The following CHST9 variants were observed in gnomAD, a reference collection of about 807,000 sequenced individuals.
CHST9 encodes the protein GalNAc-4-sulfotransferase 2.
A neutral mutation model predicts 44.4 loss-of-function variants in CHST9; 41 were observed. The ratio of observed to expected loss-of-function variants is 0.92; its 90% CI spans 0.72 to 1.20. CHST9 has a LOEUF of 1.20. Ranked by LOEUF, CHST9 falls within the 50% of genes most tolerant of loss-of-function variation. CHST9 has a pLI of 0.00. For missense variants in CHST9, 504 were observed against 516.5 expected (o/e 0.98, Z 0.23); for synonymous variants, 171 against 178.4 (o/e 0.96, Z 0.33).
chr18:26,907,308 A>G lies in CHST9; in HGVS notation c.*8951T>C, dbSNP rs2055383384. 6.6e-6 allele frequency: 1 copy of G among 152,596 alleles called. No individual in the cohort carries two copies. Among genetic ancestry groups the G allele is most frequent in the African/African-American group, 2.4e-5 (1 of 41,444 alleles). The allele number at this position is 152,596 out of a possible 1,614,324, so 9.5% of individuals were successfully genotyped here. On this transcript the variant is annotated 3_prime_UTR_variant, in exon 6 of 6. Transcript: ENST00000618847. ...GTTCCTAACTCAGAAGATGGAGTAG[A>G]TGGATGGTGTTGCCACCAAATAAGG...
intron 2 of CHST9, among the ~76,000 whole-genome samples, chr18:27,055,433 A>G (rs1379414682): frequency 6.6e-6 from 1 of 152,118 alleles, no homozygotes; most frequent in Non-Finnish European, 1.5e-5. Flanking sequence ...TGTTCATTTC[A>G]TAGGGATTTA....
chr18:27,029,398 A>T (rs574879395), intron 3 of CHST9, among the ~76,000 whole-genome samples: 1 of 152,276 alleles, frequency 6.6e-6, no homozygotes, highest in South Asian at 2.1e-4. Context: ...TCTCCAGCAA[A>T]CAGTAACAAC....
At chr18:26,970,680 G>A (rs1786625) in intron 4 of CHST9, among the ~76,000 whole-genome samples, 53,015 of 152,026 alleles carry the variant, frequency 0.35, 9,825 homozygotes, top group East Asian at 0.47. Flanking sequence ...CTCCTGTCTC[G>A]GCCTCCCAAA....
chr18:26,907,271 G>A lies in CHST9; in HGVS notation c.*8988C>T, dbSNP rs1012355769. 1 of 152,662 alleles carries A rather than the reference G, an allele frequency of 6.6e-6. No individual in the cohort carries two copies. Among genetic ancestry groups the A allele is most frequent in the African/African-American group, 2.4e-5 (1 of 41,420 alleles). 9.5% of individuals were successfully genotyped at this position (152,662 alleles called of 1,614,324 possible). A position where few individuals can be genotyped will look rare whatever the true frequency, so the allele number is the denominator to read the frequency against. On this transcript the variant is annotated 3_prime_UTR_variant, in exon 6 of 6. Coordinates refer to ENST00000618847, the MANE Select transcript of CHST9 (RefSeq NM_031422.6). ...GGAGTCAGCTTAGGGAGAAATCGGG[G>A]TTGACTTCTAGGTTCCTAACTCAGA...
intron 2 of CHST9, among the ~76,000 whole-genome samples, chr18:27,128,426 C>T (rs902315325): frequency 3.9e-5 from 6 of 152,102 alleles, no homozygotes; most frequent in South Asian, 2.1e-4. Flanking sequence ...AGTGCCATGA[C>T]GCCCGGCTAA....
In CHST9 at chr18:26,972,305, C is replaced by G. The variant is rs1346668165; in HGVS notation, c.203-27939G>C. 2.2e-5 allele frequency among the ~76,000 whole-genome samples: 3 copies of G among 136,612 alleles called. No individual in the cohort carries two copies. In the East Asian group the frequency reaches 6.7e-4, roughly 30 times the overall value. 89.6% of individuals were successfully genotyped at this position (136,612 alleles called of 152,430 possible). ...CTGGGAGGCGGAGGTTGTAGTGAGC[C>G]GAGATCGCACCACTGCACTCCAGCC... On this transcript the variant is annotated intron_variant, in intron 4 of 5. Coordinates refer to ENST00000618847, the MANE Select transcript of CHST9 (RefSeq NM_031422.6).
chr18:26,950,987 AC>A (rs1468033491), intron 4 of CHST9, among the ~76,000 whole-genome samples: 26 of 152,318 alleles, frequency 1.7e-4, no homozygotes, highest in African/African-American at 6.3e-4. Context: ...AAAAAAATTG[AC>A]AAAGTTGTCT....
intron 2 of CHST9, among the ~76,000 whole-genome samples, chr18:27,077,185 T>A (rs2057913073): frequency 6.6e-6 from 1 of 152,204 alleles, no homozygotes; most frequent in African/African-American, 2.4e-5. Context: ...TTCTTTCTTT[T>A]TCTTTACTAA....
At chr18:26,995,273 A>AAG (rs2056872488) in intron 4 of CHST9, among the ~76,000 whole-genome samples, 1 of 150,978 alleles carries the variant, frequency 6.6e-6, no homozygotes, top group Non-Finnish European at 1.5e-5. Flanking sequence ...AAAAAAAAAA[A>AAG]AAAAAATGCA....
At chr18:27,081,674 TG>T (rs1277009334) in intron 2 of CHST9, among the ~76,000 whole-genome samples, 7 of 152,350 alleles carry the variant, frequency 4.6e-5, no homozygotes, top group African/African-American at 1.2e-4. Context: ...AAGAGTCAGA[TG>T]TTGTGATATT....
At chr18:27,107,918 C>T (rs2143771017) in intron 2 of CHST9, among the ~76,000 whole-genome samples, 1 of 152,306 alleles carries the variant, frequency 6.6e-6, no homozygotes, top group African/African-American at 2.4e-5. Flanking sequence ...TGCATTTCTG[C>T]TTTGTGTTCT....
intron 1 of CHST9, among the ~76,000 whole-genome samples, chr18:27,157,309 C>T (rs1443980645): frequency 2.0e-5 from 3 of 152,068 alleles, no homozygotes; most frequent in Non-Finnish European, 2.9e-5. Flanking sequence ...CAATGGCTAA[C>T]ATAAAACTCT....
At position 27,080,887 on chromosome 18, in the gene CHST9, G is replaced by C. The variant is rs552305682; in HGVS notation, c.122-32384C>G. Among the ~76,000 whole-genome samples the C allele has an allele frequency of 1.2e-4, 19 of 152,242 alleles. No homozygotes were observed. In the East Asian group the frequency reaches 3.3e-3, roughly 26 times the overall value. ...AGAAGTGATCTATGTTTCACTTTAG[G>C]CTCCATGAATCTGAAGAATTTAAGG... On this transcript the variant is annotated intron_variant, in intron 2 of 5. Transcript: ENST00000618847.
intron 4 of CHST9, among the ~76,000 whole-genome samples, chr18:26,994,527 C>T (rs2056862324): frequency 6.6e-6 from 1 of 152,116 alleles, no homozygotes; most frequent in Admixed American, 6.5e-5. Context: ...CAGTGGTCTG[C>T]ACCTCCTGTT....
At chr18:27,120,439 T>C (rs1403861621) in intron 2 of CHST9, among the ~76,000 whole-genome samples, 1 of 152,222 alleles carries the variant, frequency 6.6e-6, no homozygotes, top group Non-Finnish European at 1.5e-5. Flanking sequence ...TTCTGCTTCC[T>C]TCTTGTTCTT....
chr18:26,959,638 G>A (rs1288806406), intron 4 of CHST9, among the ~76,000 whole-genome samples: 1 of 152,170 alleles, frequency 6.6e-6, no homozygotes, highest in Admixed American at 6.6e-5. Context: ...AAGCACATCA[G>A]GGAATGTCTA....
chr18:27,040,207 C>T (rs1204862551), intron 3 of CHST9, among the ~76,000 whole-genome samples: 1 of 152,038 alleles, frequency 6.6e-6, no homozygotes, highest in Non-Finnish European at 1.5e-5. Flanking sequence ...ATATGGCTTA[C>T]ATTGTATTTT....
At chr18:27,060,809 T>C (rs1425350335) in intron 2 of CHST9, among the ~76,000 whole-genome samples, 1 of 152,212 alleles carries the variant, frequency 6.6e-6, no homozygotes, top group Non-Finnish European at 1.5e-5. Flanking sequence ...TTTATTTATT[T>C]AGAGATGAGG....
At chr18:26,981,367 A>G (rs868384255) in intron 4 of CHST9, among the ~76,000 whole-genome samples, 2 of 152,204 alleles carry the variant, frequency 1.3e-5, no homozygotes, top group Admixed American at 6.5e-5. Context: ...CCTTCATTCC[A>G]TTCACAAAAA....
Sources: gnomAD v4.1 joint callset for allele counts (sites outside exome capture counted in the v4.1 genomes callset) on GRCh38, gnomAD v4.1.1 for gene constraint, MANE v1.5 for transcripts, NCBI Gene and HGNC (gene_info 2026-07-23, HGNC 2026-07-21) for gene names.